CHODL: variants seen among roughly 807,000 people sequenced by gnomAD.
CHODL encodes transmembrane protein MT75.
A neutral mutation model predicts 34.5 loss-of-function variants in CHODL; 29 were observed. The observed-to-expected ratio is 0.84, with a 90% CI of 0.63 to 1.15. CHODL has a LOEUF of 1.15. Among genes scored for constraint, CHODL ranks in the 50% most tolerant of loss-of-function variants. The pLI is 0.00. For synonymous variants in CHODL, 125 were observed against 116.1 expected (o/e 1.08, Z -0.49); for missense variants, 332 against 332.5 (o/e 1.00, Z 0.01).
At chr21:18,258,397 T>C (rs2074341991) in intron 3 of CHODL, among the ~76,000 whole-genome samples, 1 of 152,182 alleles carries the variant, frequency 6.6e-6, no homozygotes, top group Admixed American at 6.5e-5. Context: ...TACAATATTA[T>C]GCATTATTCT....
chr21:18,177,778 C>T (rs1014543838), intron 2 of CHODL, among the ~76,000 whole-genome samples: 2 of 152,018 alleles, frequency 1.3e-5, no homozygotes, highest in Non-Finnish European at 2.9e-5. Flanking sequence ...ATTTAAGATA[C>T]ACTTTGAAGA....
chr21:18,124,218 TCG>T (rs1308574200), intron 2 of CHODL, among the ~76,000 whole-genome samples: 1 of 152,194 alleles, frequency 6.6e-6, no homozygotes, highest in Non-Finnish European at 1.5e-5. Flanking sequence ...ATTGTCAATA[TCG>T]TAAGTCCAGT....
intron 2 of CHODL, among the ~76,000 whole-genome samples, chr21:18,202,289 A>G (rs908718883): frequency 6.6e-6 from 1 of 152,206 alleles, no homozygotes; most frequent in African/African-American, 2.4e-5. Flanking sequence ...GAGAGCATAT[A>G]TTATGGACTG....
At chr21:18,187,942 A>G (rs555509114) in intron 2 of CHODL, among the ~76,000 whole-genome samples, 59 of 152,270 alleles carry the variant, frequency 3.9e-4, no homozygotes, top group African/African-American at 1.3e-3. Context: ...AGGGTTCACC[A>G]TAATCTTTTT....
intron 2 of CHODL, among the ~76,000 whole-genome samples, chr21:18,166,803 C>A (rs1341418975): frequency 6.6e-6 from 1 of 152,018 alleles, no homozygotes; most frequent in Non-Finnish European, 1.5e-5. Flanking sequence ...TATCCTTGAT[C>A]CCATAGATTC....
chr21:18,070,031 C>T (rs1402634061), intron 2 of CHODL, among the ~76,000 whole-genome samples: 34 of 58,308 alleles, frequency 5.8e-4, no homozygotes, highest in Non-Finnish European at 1.1e-3. Context: ...TCCCTCCCCC[C>T]CCCCACCCAT....
chr21:17,964,700 C>T (rs2146355687), intron 1 of CHODL, among the ~76,000 whole-genome samples: 1 of 152,258 alleles, frequency 6.6e-6, no homozygotes, highest in Non-Finnish European at 1.5e-5. Context: ...ATAAACATTG[C>T]CAAATTCTCA....
At chr21:18,027,480 T>A (rs1250045845) in intron 1 of CHODL, among the ~76,000 whole-genome samples, 5 of 152,170 alleles carry the variant, frequency 3.3e-5, no homozygotes, top group African/African-American at 1.2e-4. Flanking sequence ...AAGAATCACA[T>A]GTGAATGACT....
intron 2 of CHODL, among the ~76,000 whole-genome samples, chr21:18,103,258 A>G (rs1447777813): frequency 1.3e-5 from 2 of 152,206 alleles, no homozygotes; most frequent in African/African-American, 4.8e-5. Context: ...AAGATAATAA[A>G]GAAACTGACC....
At chr21:18,101,178 G>A (rs1310671825) in intron 2 of CHODL, among the ~76,000 whole-genome samples, 2 of 152,088 alleles carry the variant, frequency 1.3e-5, no homozygotes, top group African/African-American at 4.8e-5. Context: ...TTTTAAAAAC[G>A]GGAGTTTCTC....
intron 1 of CHODL, among the ~76,000 whole-genome samples, chr21:17,923,816 G>GTAGCC (rs2063202571): frequency 3.3e-5 from 5 of 152,166 alleles, no homozygotes. Context: ...TTGTTCTTAA[G>GTAGCC]TAGCCCTATA....
At chr21:18,238,572 G>A (rs76489225) in intron 2 of CHODL, among the ~76,000 whole-genome samples, 4,734 of 152,144 alleles carry the variant, frequency 0.031, 251 homozygotes, top group African/African-American at 0.11. Flanking sequence ...GGGACACAGA[G>A]CCAAACCATA....
chr21:18,059,232 T>C (rs568547109), intron 2 of CHODL, among the ~76,000 whole-genome samples: 1 of 152,214 alleles, frequency 6.6e-6, no homozygotes, highest in African/African-American at 2.4e-5. Flanking sequence ...AAAGCGGCCA[T>C]CTACAGGCCA....
intron 1 of CHODL, among the ~76,000 whole-genome samples, chr21:17,949,485 CTA>C: frequency 6.6e-6 from 1 of 152,176 alleles, no homozygotes; most frequent in South Asian, 2.1e-4. Context: ...AAAGCTGTGT[CTA>C]TGTGGGAGGG....
At chr21:18,102,497 G>A (rs1688166) in intron 2 of CHODL, among the ~76,000 whole-genome samples, 71,415 of 151,972 alleles carry the variant, frequency 0.47, 17,566 homozygotes, top group African/African-American at 0.53. Flanking sequence ...AAATATGTCA[G>A]TGAAAGCCTG....
chr21:18,213,565 GAAGAA>G (rs1601155943), intron 2 of CHODL, among the ~76,000 whole-genome samples: 1 of 152,134 alleles, frequency 6.6e-6, no homozygotes, highest in East Asian at 1.9e-4. Flanking sequence ...TGGAAAGATA[GAAGAA>G]AAGAAAATAC....
chr21:18,158,033 C>T (rs978892040), intron 2 of CHODL, among the ~76,000 whole-genome samples: 2 of 143,738 alleles, frequency 1.4e-5, no homozygotes, highest in African/African-American at 5.1e-5. Context: ...TTATAGCGTG[C>T]TTTGAGGATT....
chr21:18,186,905 A>T (rs2073448345), intron 2 of CHODL, among the ~76,000 whole-genome samples: 1 of 152,146 alleles, frequency 6.6e-6, no homozygotes, highest in African/African-American at 2.4e-5. Context: ...GAATAAAATA[A>T]AATTTATCTT....
Position 18,232,944 on chromosome 21 carries a change from T to G in CHODL, c.-44-23565T>G, listed in dbSNP as rs995672165. ...TTATGGGGTCCACATGATGTTATGATATATATATATATATATATATATATA... is the reference window on the plus strand; with the variant it reads ...TTATGGGGTCCACATGATGTTATGAGATATATATATATATATATATATATA... On this transcript the variant is annotated intron_variant, in intron 2 of 6. Coordinates refer to the CHODL transcript ENST00000400127. Among the ~76,000 whole-genome samples the G allele has an allele frequency of 2.2e-4, 15 of 68,264 alleles. No individual in the cohort carries two copies. In the East Asian group the frequency reaches 0.01, roughly 46 times the overall value. The allele number at this position is 68,264 out of a possible 152,430, so 44.8% of individuals were successfully genotyped here.
Sources: gnomAD v4.1 joint callset for allele counts (sites outside exome capture counted in the v4.1 genomes callset) on GRCh38, gnomAD v4.1.1 for gene constraint, MANE v1.5 for transcripts, NCBI Gene and HGNC (gene_info 2026-07-23, HGNC 2026-07-21) for gene names.